ZNF565: variants seen among roughly 807,000 people sequenced by gnomAD.
The protein encoded by ZNF565 is zinc finger protein 565.
ZNF565 carries 27 observed loss-of-function variants against 39.4 expected under a neutral mutation model. That is an observed-to-expected ratio of 0.69 (90% CI 0.51 to 0.95). ZNF565 has a LOEUF of 0.95. Among genes scored for constraint, ZNF565 ranks in the 40% least tolerant of loss-of-function variants. The pLI is 0.00. For missense variants in ZNF565, 524 were observed against 621.1 expected (o/e 0.84, Z 1.66); for synonymous variants, 185 against 216.6 (o/e 0.85, Z 1.28).
At chr19:36,211,925 T>C (rs1193463817) in intron 1 of ZNF565, among the ~76,000 whole-genome samples, 1 of 151,940 alleles carries the variant, frequency 6.6e-6, no homozygotes, top group East Asian at 1.9e-4. Context: ...ATAAGACTAA[T>C]AGATGAAAGG....
chr19:36,237,584 A>T, intron 1 of ZNF565: 1 of 302,980 alleles, frequency 3.3e-6, no homozygotes, highest in Non-Finnish European at 6.4e-6. Flanking sequence ...CAGAAAATGG[A>T]GGCCTGTTTT....
At chr19:36,208,080 AT>A (rs1976221283) in intron 1 of ZNF565, among the ~76,000 whole-genome samples, 1 of 152,176 alleles carries the variant, frequency 6.6e-6, no homozygotes, top group Non-Finnish European at 1.5e-5. Context: ...AGAAAGAGCA[AT>A]TTTTAAAAAG....
chr19:36,239,106 C>A (rs1267905532), intron 1 of ZNF565, among the ~76,000 whole-genome samples: 1 of 152,122 alleles, frequency 6.6e-6, no homozygotes, highest in Non-Finnish European at 1.5e-5. Flanking sequence ...GTCCCTGGTA[C>A]CAAAAAGGTT....
chr19:36,219,073 G>T (rs552975887), upstream of ZNF565, among the ~76,000 whole-genome samples: 791 of 150,066 alleles, frequency 5.3e-3, 7 homozygotes, highest in African/African-American at 0.019. Context: ...CTCCCAAAGT[G>T]CTGGGATTAC....
intron 2 of ZNF565, among the ~76,000 whole-genome samples, chr19:36,196,562 A>G (rs1014742943): frequency 6.6e-6 from 1 of 152,222 alleles, no homozygotes; most frequent in Admixed American, 6.5e-5. Context: ...GGACACTTCT[A>G]TCTTCCATGG....
chr19:36,187,111 A>T (rs923829170), intron 4 of ZNF565, among the ~76,000 whole-genome samples: 5 of 151,506 alleles, frequency 3.3e-5, no homozygotes, highest in Admixed American at 1.3e-4. Flanking sequence ...AATTGCTTGA[A>T]CCCAGGGGGC....
intron 2 of ZNF565, among the ~76,000 whole-genome samples, chr19:36,197,682 G>T (rs1301845621): frequency 6.6e-6 from 1 of 152,074 alleles, no homozygotes; most frequent in Non-Finnish European, 1.5e-5. Context: ...TAAAAGAGAG[G>T]CAATAACAAA....
intron 1 of ZNF565, among the ~76,000 whole-genome samples, chr19:36,211,904 GTCA>G (rs1965655334): frequency 6.6e-6 from 1 of 152,090 alleles, no homozygotes; most frequent in African/African-American, 2.4e-5. Context: ...TCAGGCAAGC[GTCA>G]TCAACGGATA....
chr19:36,224,784 C>T (rs1221205264), intron 1 of ZNF565, among the ~76,000 whole-genome samples: 1 of 152,130 alleles, frequency 6.6e-6, no homozygotes, highest in African/African-American at 2.4e-5. Context: ...AAATATTCCT[C>T]TTTATGTACG....
chr19:36,231,095 G>A lies in ZNF565; in HGVS notation c.55+14381C>T, dbSNP rs190349414. ...ACCTCAAGAAGGATATACGTGACAC[G>A]CGTAAACGTGACCACAACTGACTTT... On this transcript the variant is annotated intron_variant, in intron 1 of 4. Transcript: ENST00000355114. 2.6e-5 allele frequency among the ~76,000 whole-genome samples: 4 copies of A among 152,218 alleles called. No individual in the cohort carries two copies. In the East Asian group the frequency reaches 7.7e-4, roughly 29 times the overall value.
intron 4 of ZNF565, among the ~76,000 whole-genome samples, chr19:36,188,445 G>A (rs1975396359): frequency 1.3e-5 from 2 of 150,992 alleles, no homozygotes; most frequent in Admixed American, 1.3e-4. Flanking sequence ...CATGTGGTAG[G>A]TCATGCCTGT....
chr19:36,227,358 C>T (rs952282867), intron 1 of ZNF565, among the ~76,000 whole-genome samples: 6 of 150,894 alleles, frequency 4.0e-5, no homozygotes, highest in Non-Finnish European at 7.4e-5. Context: ...CACTGCACTC[C>T]CAGCCTGGGC....
chr19:36,243,439 C>A (rs1977831760), intron 1 of ZNF565, among the ~76,000 whole-genome samples: 1 of 152,162 alleles, frequency 6.6e-6, no homozygotes, highest in East Asian at 1.9e-4. Context: ...TTTAACACCC[C>A]AGAGTGAATA....
At chr19:36,214,766 T>A (rs1341608564), upstream of ZNF565, 4 of 152,682 alleles carry the variant, frequency 2.6e-5, no homozygotes, top group Non-Finnish European at 4.4e-5. Flanking sequence ...GGCGTTCTCT[T>A]ATCTCTGAGT....
intron 4 of ZNF565, among the ~76,000 whole-genome samples, chr19:36,192,804 TA>T (rs1020034723): frequency 4.0e-5 from 6 of 149,686 alleles, no homozygotes; most frequent in Non-Finnish European, 5.9e-5. Context: ...GCCCAGCCAA[TA>T]AAATGGTTTT....
chr19:36,182,398 T>G lies in ZNF565; in HGVS notation c.*68A>C, dbSNP rs16970932. The G allele has an allele frequency of 2.2e-6, 3 of 1,356,712 alleles. No individual in the cohort carries two copies. Among genetic ancestry groups the G allele is most frequent in the Non-Finnish European group, 3.0e-6 (3 of 1,016,872 alleles). The allele number at this position is 1,356,712 out of a possible 1,614,324, so 84.0% of individuals were successfully genotyped here. ...ACATTAATTACACTACATTAAAAAT[T>G]ACCTAGTACTGAGCCAGATGTGAAC... On this transcript the variant is annotated 3_prime_UTR_variant, in exon 5 of 5. Transcript: ENST00000304116.
intron 4 of ZNF565, among the ~76,000 whole-genome samples, chr19:36,188,994 A>T (rs1975424616): frequency 6.6e-6 from 1 of 152,198 alleles, no homozygotes; most frequent in Non-Finnish European, 1.5e-5. Context: ...ACAGACAAAA[A>T]GTAGAACAGA....
chr19:36,198,016 G>GC (rs1325759479), intron 2 of ZNF565, among the ~76,000 whole-genome samples: 2 of 152,100 alleles, frequency 1.3e-5, no homozygotes, highest in Non-Finnish European at 2.9e-5. Context: ...GGGCATGGTA[G>GC]CGTGCGCCTG....
chr19:36,226,389 T>C (rs1023599644), intron 1 of ZNF565, among the ~76,000 whole-genome samples: 5 of 152,172 alleles, frequency 3.3e-5, no homozygotes, highest in Admixed American at 1.3e-4. Context: ...TCAACATACA[T>C]AGTGGATGGG....
Sources: allele counts gnomAD v4.1 joint callset (sites outside exome capture counted in the v4.1 genomes callset), GRCh38; gene constraint gnomAD v4.1.1; transcripts MANE v1.5; gene names NCBI Gene and HGNC (gene_info 2026-07-23, HGNC 2026-07-21).